The following CCAR1 variants were observed in gnomAD, a reference collection of about 807,000 sequenced individuals.
The protein encoded by CCAR1 is cell division cycle and apoptosis regulator protein 1.
In CCAR1, 78 loss-of-function variants were observed where a neutral mutation model predicts 163.8. That is an observed-to-expected ratio of 0.48 (90% confidence interval 0.40 to 0.57). The LOEUF (loss-of-function observed/expected upper bound fraction) is 0.57. Among genes scored for constraint, CCAR1 ranks in the 20% least tolerant of loss-of-function variants. The pLI, the probability that CCAR1 is intolerant of heterozygous loss-of-function variation, is 0.00. For missense variants in CCAR1, 1,019 were observed against 1,365.2 expected (o/e 0.75, Z 4.00); for synonymous variants, 443 against 460.7 (o/e 0.96, Z 0.49).
At chr10:68,763,396 G>A (rs1200953305) in intron 16 of CCAR1, among the ~76,000 whole-genome samples, 1 of 151,876 alleles carries the variant, frequency 6.6e-6, no homozygotes, top group African/African-American at 2.4e-5. Flanking sequence ...TGATCCACCC[G>A]CCTCAGCCTC....
chr10:68,788,316 G>T lies in CCAR1; in HGVS notation c.3175G>T (p.Glu1059Ter). The change falls in exon 23 of 25, where the codon GAA becomes TAA. Residue 1059 changes from glutamate (E) to a stop codon, truncating the protein, a stop_gained. Transcript: ENST00000265872. LOFTEE classifies it high-confidence loss of function. ...GGTAGAACAGAAGCTGCAGTTACTAGAAGAAAAAACAGGTAAGGGTCAGCT... is the reference window on the plus strand; with the variant it reads ...GGTAGAACAGAAGCTGCAGTTACTATAAGAAAAAACAGGTAAGGGTCAGCT... ...AEVEQKLQLL[E>*]EKTDEDEKTI... 6.4e-7 allele frequency: 1 copy of T among 1,561,698 alleles called. No homozygotes were observed. The highest frequency in any genetic ancestry group is 1.2e-5 in the South Asian group (1 of 81,244).
chr10:68,769,783 T>C (rs1000313966), intron 17 of CCAR1, among the ~76,000 whole-genome samples: 1 of 143,284 alleles, frequency 7.0e-6, no homozygotes, highest in African/African-American at 2.6e-5. Context: ...CTACTAAAAA[T>C]AAAAAAAATT....
At chr10:68,768,720 G>A (rs961276723) in intron 17 of CCAR1, among the ~76,000 whole-genome samples, 7 of 151,856 alleles carry the variant, frequency 4.6e-5, no homozygotes, top group East Asian at 1.9e-4. Context: ...CAGTCCCTAC[G>A]GCACTTTGAG....
intron 6 of CCAR1, 101 bp downstream of exon 6, chr10:68,742,670 G>T: frequency 1.1e-6 from 1 of 894,810 alleles, no homozygotes; most frequent in South Asian, 1.6e-5. Flanking sequence ...GGACACAGTT[G>T]TGCAATCTCA....
At chr10:68,761,996 T>C (rs1394034318) in intron 16 of CCAR1, among the ~76,000 whole-genome samples, 2 of 152,128 alleles carry the variant, frequency 1.3e-5, no homozygotes, top group African/African-American at 2.4e-5. Context: ...CATATAGTTA[T>C]ATAACCACCA....
chr10:68,738,153 G>T (rs1200928093), intron 4 of CCAR1, among the ~76,000 whole-genome samples: 1 of 152,242 alleles, frequency 6.6e-6, no homozygotes, highest in Non-Finnish European at 1.5e-5. Flanking sequence ...AGTGGCTCAT[G>T]CCTGTAATCC....
intron 8 of CCAR1, among the ~76,000 whole-genome samples, chr10:68,748,790 T>A (rs576896303): frequency 1.1e-3 from 164 of 152,214 alleles, no homozygotes; most frequent in African/African-American, 3.8e-3. Flanking sequence ...CTCAGCTCAC[T>A]GCAGCCTCGA....
At chr10:68,774,651 T>A (rs1424858736) in intron 19 of CCAR1, among the ~76,000 whole-genome samples, 2 of 151,966 alleles carry the variant, frequency 1.3e-5, no homozygotes, top group East Asian at 3.9e-4. Flanking sequence ...AAAACTAATT[T>A]GGGCATTTTG....
chr10:68,773,618 A>G (rs1488825285), intron 19 of CCAR1, among the ~76,000 whole-genome samples: 1 of 152,004 alleles, frequency 6.6e-6, no homozygotes, highest in Non-Finnish European at 1.5e-5. Context: ...GTGAGCCAAG[A>G]TCGTGCCATT....
At position 68,789,878 on chromosome 10, in the gene CCAR1, C is replaced by T; in HGVS notation, c.3356C>T (p.Ser1119Phe). Residue 1119 changes from serine (S) to phenylalanine (F), a missense_variant, in exon 24 of 25, where the codon TCT becomes TTT. By Grantham distance (155) the Ser-to-Phe change is radical. This residue lies in a region of CCAR1 where 358 missense variants were observed against 406.4 expected (regional missense o/e 0.88). Transcript: ENST00000265872. Reference sequence around the variant, plus strand: ...ATGAATAAGACAATCAGAAACTTATCTACGGTAATGGATGAAATCCACACT... The same window carrying T: ...ATGAATAAGACAATCAGAAACTTATTTACGGTAATGGATGAAATCCACACT... ...NQMNKTIRNL[S>F]TVMDEIHTVL... 1.3e-6 allele frequency: 2 copies of T among 1,599,090 alleles called. No homozygotes were observed. Among genetic ancestry groups the T allele is most frequent in the Non-Finnish European group, 1.7e-6 (2 of 1,175,370 alleles).
In CCAR1 at chr10:68,737,858, C is replaced by A; in HGVS notation, c.260C>A (p.Pro87His). 6.3e-7 allele frequency: 1 copy of A among 1,591,022 alleles called. No homozygotes were observed. Among genetic ancestry groups the A allele is most frequent in the Admixed American group, 1.9e-5 (1 of 53,784 alleles). Reference protein sequence around the residue: ...AAALQQQYSQPQQALYSVQQQ... With the variant: ...AAALQQQYSQHQQALYSVQQQ... ...TTAATCTTTCAGCAATATTCACAACCTCAGCAGGCCCTGTATAGTGTGCAA... is the reference window on the plus strand; with the variant it reads ...TTAATCTTTCAGCAATATTCACAACATCAGCAGGCCCTGTATAGTGTGCAA... Residue 87 changes from proline to histidine, a missense_variant, in exon 4 of 25, where the codon CCT becomes CAT. Pro to His is a moderately conservative substitution (Grantham distance 77, BLOSUM62 -2). Transcript: ENST00000265872.
At chr10:68,755,182 G>A (rs781507287) in intron 12 of CCAR1, 188 bp from the exon 13 acceptor site, 1 of 756,006 alleles carries the variant, frequency 1.3e-6, no homozygotes, top group Non-Finnish European at 2.4e-6. Context: ...GAGTTATGAT[G>A]TGTGTAAATC....
At chr10:68,750,598 A>G (rs2056319176) in intron 10 of CCAR1, among the ~76,000 whole-genome samples, 1 of 152,310 alleles carries the variant, frequency 6.6e-6, no homozygotes, top group East Asian at 1.9e-4. Flanking sequence ...TGTGAGGTTT[A>G]GTTCATGTAT....
intron 15 of CCAR1, 26 bp from the exon 16 acceptor site, chr10:68,760,981 C>A: frequency 8.1e-6 from 8 of 991,542 alleles, no homozygotes; most frequent in Non-Finnish European, 1.1e-5. Flanking sequence ...TTTTTTTTTC[C>A]GTGTTTTTCT....
At chr10:68,766,574 T>A (rs1354797455) in intron 17 of CCAR1, among the ~76,000 whole-genome samples, 1 of 151,856 alleles carries the variant, frequency 6.6e-6, no homozygotes, top group Non-Finnish European at 1.5e-5. Context: ...TTGTCCAGGC[T>A]GGAGTGCAGT....
chr10:68,731,198 A>G (rs1469744952), intron 2 of CCAR1, among the ~76,000 whole-genome samples: 1 of 152,186 alleles, frequency 6.6e-6, no homozygotes, highest in Non-Finnish European at 1.5e-5. Context: ...TTAGCTATTT[A>G]TGTGTGTGAG....
At chr10:68,742,653 C>A in intron 6 of CCAR1, 84 bp downstream of exon 6, 1 of 1,091,548 alleles carries the variant, frequency 9.2e-7, no homozygotes, top group Non-Finnish European at 1.4e-6. Context: ...TGTATGTAGC[C>A]CAGGCTGGAC....
At chr10:68,734,199 CT>C (rs2056078353) in intron 2 of CCAR1, among the ~76,000 whole-genome samples, 1 of 151,910 alleles carries the variant, frequency 6.6e-6, no homozygotes, top group South Asian at 2.1e-4. Context: ...GCTCTTTATT[CT>C]GTTTTTATAA....
intron 4 of CCAR1, among the ~76,000 whole-genome samples, 158 bp downstream of exon 4, chr10:68,738,047 C>A (rs2056135097): frequency 6.6e-6 from 1 of 152,102 alleles, no homozygotes; most frequent in Non-Finnish European, 1.5e-5. Context: ...AGGAACGTCT[C>A]CAAGGGTGAG....
Sources: gnomAD v4.1 joint callset for allele counts (sites outside exome capture counted in the v4.1 genomes callset) on GRCh38, gnomAD v4.1.1 for gene constraint, gnomAD v4.1.1 regional missense constraint, MANE v1.5 for transcripts, NCBI Gene and HGNC (gene_info 2026-07-23, HGNC 2026-07-21) for gene names.